CXADR: variants seen among roughly 807,000 people sequenced by gnomAD.
The protein encoded by CXADR is coxsackievirus and adenovirus receptor.
Under a neutral mutation model 40.3 loss-of-function variants are expected in CXADR, and 20 were observed. That is an observed-to-expected ratio of 0.50 (90% CI 0.35 to 0.72). The LOEUF (loss-of-function observed/expected upper bound fraction) is 0.72, where lower values mean the gene tolerates loss of function less well. Among genes scored for constraint, CXADR ranks in the 30% least tolerant of loss-of-function variants. CXADR has a pLI of 0.01. For synonymous variants in CXADR, 150 were observed against 161.3 expected (o/e 0.93, Z 0.53); for missense variants, 332 against 449.1 (o/e 0.74, Z 2.36).
chr21:17,582,007 C>T (rs1188968626), intron 7 of CXADR, among the ~76,000 whole-genome samples: 1 of 68,324 alleles, frequency 1.5e-5, no homozygotes, highest in Non-Finnish European at 2.8e-5. Flanking sequence ...GTGGCACAAT[C>T]TCGGCTCACT....
intron 3 of CXADR, among the ~76,000 whole-genome samples, chr21:17,556,583 G>T (rs551958195): frequency 1.3e-5 from 2 of 152,090 alleles, no homozygotes; most frequent in Admixed American, 6.6e-5. Context: ...TTCTAATAAA[G>T]GATTTATTGG....
Position 17,566,567 on chromosome 21 carries a change from G to A in CXADR, c.*875G>A, listed in dbSNP as rs1170677038. 7 of 982,910 alleles carry A rather than the reference G, an allele frequency of 7.1e-6. No individual in the cohort carries two copies. Among genetic ancestry groups the A allele is most frequent in the Non-Finnish European group, 8.5e-6 (7 of 827,834 alleles). The allele number at this position is 982,910 out of a possible 1,614,324, so 60.9% of individuals were successfully genotyped here. ...TTCCCAGGTGATATTTTTCTTATTA[G>A]AAAAATATTATAACTCATTTGTTGT... On this transcript the variant is annotated 3_prime_UTR_variant, in exon 7 of 7. Transcript: ENST00000284878.
downstream of CXADR, chr21:17,594,035 G>C: frequency 6.4e-7 from 1 of 1,571,934 alleles, no homozygotes; most frequent in South Asian, 1.2e-5. Flanking sequence ...CTTTTAATGT[G>C]TAGTAAGGTT....
chr21:17,625,035 A>G, the CXADR span, among the ~76,000 whole-genome samples: 1 of 152,058 alleles, frequency 6.6e-6, no homozygotes, highest in South Asian at 2.1e-4. Context: ...CCCTCTACTA[A>G]GACCTTTGGG....
intron 1 of CXADR, among the ~76,000 whole-genome samples, chr21:17,539,613 A>T (rs1322821512): frequency 6.6e-6 from 1 of 152,212 alleles, no homozygotes; most frequent in East Asian, 1.9e-4. Context: ...TTTTGTAAGG[A>T]TCAGATGAAA....
downstream of CXADR, among the ~76,000 whole-genome samples, chr21:17,597,527 C>T (rs1401530753): frequency 6.6e-6 from 1 of 151,830 alleles, no homozygotes; most frequent in Non-Finnish European, 1.5e-5. Flanking sequence ...ATGAATGTCT[C>T]TGTGGAAATG....
intron 1 of CXADR, chr21:17,542,069 T>A (rs1205561461): frequency 2.9e-6 from 1 of 343,692 alleles, no homozygotes; most frequent in Non-Finnish European, 5.6e-6. Context: ...ATTTTTAGTA[T>A]AGTTAAATTT....
chr21:17,634,256 G>A, the CXADR span, among the ~76,000 whole-genome samples: 1 of 152,138 alleles, frequency 6.6e-6, no homozygotes, highest in South Asian at 2.1e-4. Flanking sequence ...ATATGGGGGG[G>A]ATCCTTCATC....
chr21:17,585,117 GA>G (rs1404834137), intron 7 of CXADR, among the ~76,000 whole-genome samples: 1 of 152,024 alleles, frequency 6.6e-6, no homozygotes, highest in African/African-American at 2.4e-5. Flanking sequence ...TTTTATGTGT[GA>G]ATTCATAAAG....
Position 17,529,259 on chromosome 21 carries a change from C to A in CXADR, c.43+16087C>A, listed in dbSNP as rs191452591. Among the ~76,000 whole-genome samples, 4 of 151,836 alleles carry A rather than the reference C, an allele frequency of 2.6e-5. No individual in the cohort carries two copies. The East Asian group carries it at 7.7e-4, about 29-fold the overall frequency. On this transcript the variant is annotated intron_variant, in intron 1 of 6. Coordinates refer to ENST00000284878, the MANE Select transcript of CXADR (RefSeq NM_001338.5). ...TGTTGGTCAGGCTGGTGTCGAACTC[C>A]TGACTTCGTGATTCACCCGCCTCGG...
chr21:17,626,261 G>A, the CXADR span, among the ~76,000 whole-genome samples: 1 of 152,080 alleles, frequency 6.6e-6, no homozygotes, highest in South Asian at 2.1e-4. Context: ...AATTAAGACA[G>A]GTTTTTTAAA....
At chr21:17,592,950 A>G (rs1462062252) in intron 7 of CXADR, among the ~76,000 whole-genome samples, 1 of 151,992 alleles carries the variant, frequency 6.6e-6, no homozygotes, top group East Asian at 1.9e-4. Flanking sequence ...CTTCCTAAAA[A>G]TAACAATAAT....
chr21:17,535,648 A>G (rs1475336981), intron 1 of CXADR, among the ~76,000 whole-genome samples: 1 of 152,152 alleles, frequency 6.6e-6, no homozygotes, highest in Non-Finnish European at 1.5e-5. Flanking sequence ...AACATTTGGT[A>G]TTAAGGTCAT....
chr21:17,581,216 T>G (rs971065260), intron 7 of CXADR, among the ~76,000 whole-genome samples: 6 of 152,224 alleles, frequency 3.9e-5, no homozygotes, highest in African/African-American at 9.6e-5. Context: ...GATGGTCATT[T>G]AAATTAATCC....
chr21:17,560,598 GCT>G, intron 4 of CXADR, 102 bp from the exon 5 acceptor site: 1 of 1,166,962 alleles, frequency 8.6e-7, no homozygotes, highest in Non-Finnish European at 1.2e-6. Flanking sequence ...GGTCTGTCTT[GCT>G]TTTAACTGGA....
chr21:17,573,765 T>C (rs1360754841), downstream of CXADR, among the ~76,000 whole-genome samples: 1 of 152,136 alleles, frequency 6.6e-6, no homozygotes, highest in Non-Finnish European at 1.5e-5. Context: ...AAAAATTAGC[T>C]GGGTGGTGGC....
chr21:17,540,231 C>G (rs1010360521), intron 1 of CXADR, among the ~76,000 whole-genome samples: 1 of 152,082 alleles, frequency 6.6e-6, no homozygotes, highest in Non-Finnish European at 1.5e-5. Context: ...CCTTAAAAGC[C>G]CTACCTCTAA....
At position 17,556,985 on chromosome 21, in the gene CXADR, G is replaced by A. The variant is rs138411463; in HGVS notation, c.416-1991G>A. On this transcript the variant is annotated intron_variant, in intron 3 of 6. Transcript: ENST00000284878. ...CACCATATGATCCAGCAGTTACTAA[G>A]ACAAAGGAAAGCATACGCCAGTGTT... Among the ~76,000 whole-genome samples, 430 of 152,236 alleles carry A rather than the reference G, an allele frequency of 2.8e-3. 13 individuals are homozygous for A. The highest frequency in any genetic ancestry group is 2.1e-4 in the Non-Finnish European group (14 of 68,022).
the CXADR span, among the ~76,000 whole-genome samples, chr21:17,614,654 G>A: frequency 3.3e-5 from 5 of 152,140 alleles, no homozygotes; most frequent in South Asian, 8.3e-4. Flanking sequence ...GGGGTGAGAG[G>A]ATCACCTGAG....
Sources: gnomAD v4.1 joint callset for allele counts (sites outside exome capture counted in the v4.1 genomes callset) on GRCh38, gnomAD v4.1.1 for gene constraint, MANE v1.5 for transcripts, NCBI Gene and HGNC (gene_info 2026-07-23, HGNC 2026-07-21) for gene names.